The following GSG1L variants were observed in gnomAD, a reference collection of about 807,000 sequenced individuals.
GSG1L encodes GSG1 like.
GSG1L carries 24 observed loss-of-function variants against 42.1 expected under a neutral mutation model. The ratio of observed to expected loss-of-function variants is 0.57; its 90% CI spans 0.41 to 0.80. The LOEUF is 0.80. GSG1L is among the 30% of genes least tolerant of loss of function. The pLI is 0.00. For synonymous variants in GSG1L, 215 were observed against 203.5 expected (o/e 1.06, Z -0.48); for missense variants, 445 against 472.2 (o/e 0.94, Z 0.53).
intron 2 of GSG1L, among the ~76,000 whole-genome samples, chr16:27,961,696 T>C (rs2085074433): frequency 6.6e-6 from 1 of 152,214 alleles, no homozygotes; most frequent in Non-Finnish European, 1.5e-5. Context: ...CCCAGTGATC[T>C]CAATTTGGAA....
chr16:27,890,085 C>A (rs981296018), intron 2 of GSG1L, among the ~76,000 whole-genome samples: 3 of 152,168 alleles, frequency 2.0e-5, no homozygotes, highest in Non-Finnish European at 2.9e-5. Context: ...CACTTGGAGA[C>A]CATATTCTCC....
At chr16:27,931,838 T>A (rs1232158553) in intron 2 of GSG1L, among the ~76,000 whole-genome samples, 1 of 152,170 alleles carries the variant, frequency 6.6e-6, no homozygotes, top group Non-Finnish European at 1.5e-5. Context: ...AGGAGCGCAG[T>A]GTGGAGAATC....
At chr16:28,049,345 A>G (rs968760540) in intron 1 of GSG1L, among the ~76,000 whole-genome samples, 1 of 152,180 alleles carries the variant, frequency 6.6e-6, no homozygotes, top group African/African-American at 2.4e-5. Flanking sequence ...TGATGAAGAA[A>G]TTATTTTCTG....
intron 2 of GSG1L, among the ~76,000 whole-genome samples, chr16:27,961,663 G>A (rs977262817): frequency 6.6e-6 from 1 of 152,234 alleles, no homozygotes; most frequent in African/African-American, 2.4e-5. Flanking sequence ...TATCAGCCAT[G>A]CAGTGGTCAT....
intron 1 of GSG1L, among the ~76,000 whole-genome samples, chr16:28,009,364 C>A (rs1296091885): frequency 6.6e-6 from 1 of 152,052 alleles, no homozygotes; most frequent in Non-Finnish European, 1.5e-5. Flanking sequence ...AAATAGCACC[C>A]CTGCCCCCCC....
intron 1 of GSG1L, among the ~76,000 whole-genome samples, chr16:28,036,686 G>T (rs2086042061): frequency 1.3e-5 from 2 of 152,244 alleles, no homozygotes; most frequent in Non-Finnish European, 2.9e-5. Context: ...CAGCCAGGTA[G>T]CAGCCAAGCA....
At chr16:27,922,816 C>G (rs891681001) in intron 2 of GSG1L, among the ~76,000 whole-genome samples, 1 of 152,170 alleles carries the variant, frequency 6.6e-6, no homozygotes, top group African/African-American at 2.4e-5. Context: ...TGGGGTCTCC[C>G]TCTGTTGCCC....
rs530316426 is a variant in GSG1L at position 27,945,870 on chromosome 16, A to G, written c.397+17286T>C. Among the ~76,000 whole-genome samples the G allele has an allele frequency of 3.3e-5, 5 of 152,352 alleles. 1 individual carries two copies. The East Asian group carries it at 9.7e-4, about 29-fold the overall frequency. On this transcript the variant is annotated intron_variant, in intron 2 of 6. Coordinates refer to ENST00000447459, the MANE Select transcript of GSG1L (RefSeq NM_001109763.2). ...GCAGCATCTCCAGGGAGCCTGACAG[A>G]TGGCTGCAAATGATGAGGCCACAGG...
intron 6 of GSG1L, among the ~76,000 whole-genome samples, chr16:27,798,557 G>T (rs962372869): frequency 9.9e-5 from 15 of 152,190 alleles, no homozygotes; most frequent in Admixed American, 5.9e-4. Context: ...ACATGGGGAT[G>T]AAGGGGTAAG....
At chr16:27,947,573 GAAAGAAAGAAAGAAAGAAAGAAAGAAAA>G (rs2084896194) in intron 2 of GSG1L, among the ~76,000 whole-genome samples, 3 of 91,938 alleles carry the variant, frequency 3.3e-5, no homozygotes, top group African/African-American at 1.1e-4. Context: ...AAGAAAGAAA[GAAAGAAAGAAAGAAAGAAAGAAAGAAAA>G]AGAAAGAAAG....
At chr16:27,829,877 C>T (rs1467319525) in intron 4 of GSG1L, among the ~76,000 whole-genome samples, 1 of 152,130 alleles carries the variant, frequency 6.6e-6, no homozygotes, top group African/African-American at 2.4e-5. Context: ...ATCCTCATTA[C>T]CCACTTCCAT....
intron 3 of GSG1L, among the ~76,000 whole-genome samples, chr16:27,858,560 T>G (rs910533459): frequency 6.6e-6 from 1 of 152,188 alleles, no homozygotes; most frequent in East Asian, 1.9e-4. Context: ...GCTGTCTTCA[T>G]GGTTTAGGAA....
chr16:27,804,053 A>AGATAGATAGAT (rs2082926430), intron 6 of GSG1L, among the ~76,000 whole-genome samples: 1 of 151,140 alleles, frequency 6.6e-6, no homozygotes, highest in Admixed American at 6.6e-5. Context: ...ATAGATAGAT[A>AGATAGATAGAT]GATAGATAGA....
At chr16:27,894,710 T>C (rs183193303) in intron 2 of GSG1L, among the ~76,000 whole-genome samples, 1 of 152,218 alleles carries the variant, frequency 6.6e-6, no homozygotes, top group African/African-American at 2.4e-5. Flanking sequence ...CCAGAGGCCA[T>C]GGAGAGCTGT....
intron 2 of GSG1L, among the ~76,000 whole-genome samples, chr16:27,927,589 G>A (rs1324929148): frequency 6.6e-6 from 1 of 151,994 alleles, no homozygotes; most frequent in Non-Finnish European, 1.5e-5. Flanking sequence ...GCACCACAGG[G>A]CCTTTGTACA....
chr16:28,025,855 T>C (rs986414331), intron 1 of GSG1L, among the ~76,000 whole-genome samples: 11 of 151,870 alleles, frequency 7.2e-5, no homozygotes, highest in African/African-American at 2.7e-4. Context: ...GCAACAGAAG[T>C]GAAATGTGAC....
intron 2 of GSG1L, among the ~76,000 whole-genome samples, chr16:27,939,672 G>A (rs891960646): frequency 6.6e-6 from 1 of 152,156 alleles, no homozygotes; most frequent in Non-Finnish European, 1.5e-5. Context: ...AGAGATGAAA[G>A]TCCAGGCTGC....
At chr16:27,852,495 A>G (rs903731183) in intron 3 of GSG1L, among the ~76,000 whole-genome samples, 7 of 152,002 alleles carry the variant, frequency 4.6e-5, no homozygotes, top group African/African-American at 1.7e-4. Context: ...AGAGGCTCCC[A>G]CAGAAGATGA....
At chr16:27,999,454 A>G (rs192157122) in intron 1 of GSG1L, among the ~76,000 whole-genome samples, 2 of 152,314 alleles carry the variant, frequency 1.3e-5, no homozygotes, top group East Asian at 3.9e-4. Context: ...CTATTTTACC[A>G]TGGAGTGCAC....
Sources: gnomAD v4.1 joint callset for allele counts (sites outside exome capture counted in the v4.1 genomes callset) on GRCh38, gnomAD v4.1.1 for gene constraint, MANE v1.5 for transcripts, NCBI Gene and HGNC (gene_info 2026-07-23, HGNC 2026-07-21) for gene names.